Variants in ATG10 observed in about 807,000 individuals in gnomAD.
The protein encoded by ATG10 is autophagy related 10, also known as ubiquitin-like-conjugating enzyme ATG10.
In ATG10, 30 loss-of-function variants were observed where a neutral mutation model predicts 32.1. That is an observed-to-expected ratio of 0.94 (90% CI 0.70 to 1.27). ATG10 has a LOEUF of 1.27. ATG10 is among the 50% of genes most tolerant of loss of function. The pLI, the probability that ATG10 is intolerant of heterozygous loss-of-function variation, is 0.00. For synonymous variants in ATG10, 87 were observed against 91.5 expected (o/e 0.95, Z 0.28); for missense variants, 233 against 262.3 (o/e 0.89, Z 0.77).
intron 3 of ATG10, among the ~76,000 whole-genome samples, chr5:82,080,081 C>T (rs927194398): frequency 1.3e-4 from 20 of 152,170 alleles, no homozygotes; most frequent in African/African-American, 4.8e-4. Flanking sequence ...GATGGTATCT[C>T]ATTGTGGTTT....
chr5:81,991,133 A>G (rs984141568), intron 2 of ATG10, among the ~76,000 whole-genome samples: 9 of 152,168 alleles, frequency 5.9e-5, no homozygotes, highest in Non-Finnish European at 1.0e-4. Context: ...ATTTGGGCAT[A>G]TTAGTATTTT....
At chr5:82,242,709 C>T (rs12654645) in intron 5 of ATG10, 154,012 of 331,042 alleles carry the variant, frequency 0.47, 39,439 homozygotes, top group East Asian at 0.89. Flanking sequence ...ATCATTGTAA[C>T]CTAGAATTTT....
intron 3 of ATG10, among the ~76,000 whole-genome samples, chr5:82,155,631 A>G (rs1368714374): frequency 6.6e-6 from 1 of 152,224 alleles, no homozygotes; most frequent in East Asian, 1.9e-4. Context: ...TATAAGAAAA[A>G]TTAGAGAAAC....
Position 82,246,071 on chromosome 5 carries a change from C to CT in ATG10, c.454-6473dup, listed in dbSNP as rs11340753. On this transcript the variant is annotated intron_variant, in intron 5 of 7. Transcript: ENST00000282185. ...AACAGAGGCACAACTTAATACTGAC[C>CT]TTTTTTTTTTTTTTTTTTGAAACAG... Among the ~76,000 whole-genome samples the CT allele has an allele frequency of 1.7e-3, 217 of 125,118 alleles. 1 individual carries two copies. The highest frequency in any genetic ancestry group is 4.1e-3 in the African/African-American group (142 of 34,796). The allele number at this position is 125,118 out of a possible 152,430, so 82.1% of individuals were successfully genotyped here.
intron 5 of ATG10, among the ~76,000 whole-genome samples, chr5:82,248,295 C>T (rs1042716062): frequency 2.6e-5 from 4 of 152,150 alleles, no homozygotes; most frequent in Non-Finnish European, 5.9e-5. Context: ...TTTTTCTTTT[C>T]ATTTAGTACC....
intron 2 of ATG10, among the ~76,000 whole-genome samples, chr5:81,993,369 T>TTC (rs796989808): frequency 0.072 from 2,711 of 37,612 alleles, 221 homozygotes; most frequent in East Asian, 0.1. Context: ...CCTTCTTTTC[T>TTC]TTTCTTTTCT....
intron 5 of ATG10, among the ~76,000 whole-genome samples, chr5:82,179,668 C>T (rs1379851868): frequency 6.6e-6 from 1 of 152,090 alleles, no homozygotes; most frequent in African/African-American, 2.4e-5. Context: ...CAATCATCAT[C>T]TCCTTAAAAA....
At chr5:82,251,499 C>T (rs567343456) in intron 5 of ATG10, among the ~76,000 whole-genome samples, 1 of 152,280 alleles carries the variant, frequency 6.6e-6, no homozygotes, top group African/African-American at 2.4e-5. Flanking sequence ...GGAGGTCTGG[C>T]ATGCTGAACC....
chr5:81,986,992 G>A (rs761499833), intron 1 of ATG10, among the ~76,000 whole-genome samples: 4 of 152,150 alleles, frequency 2.6e-5, no homozygotes, highest in South Asian at 2.1e-4. Context: ...GCAGTGAGCC[G>A]GGATCATGCC....
At chr5:82,128,476 A>G (rs1173957478) in intron 3 of ATG10, among the ~76,000 whole-genome samples, 25 of 142,326 alleles carry the variant, frequency 1.8e-4, no homozygotes, top group South Asian at 4.5e-4. Context: ...CTTGTAAGGC[A>G]GGCCTGGTGG....
chr5:81,980,559 G>T (rs1270547125), intron 1 of ATG10, among the ~76,000 whole-genome samples: 1 of 152,168 alleles, frequency 6.6e-6, no homozygotes, highest in Non-Finnish European at 1.5e-5. Context: ...CTATACTTAG[G>T]AGAGGTCTTC....
intron 5 of ATG10, among the ~76,000 whole-genome samples, chr5:82,185,554 C>G (rs1744416606): frequency 6.6e-6 from 1 of 152,020 alleles, no homozygotes; most frequent in Non-Finnish European, 1.5e-5. Flanking sequence ...ATGCCTAAAA[C>G]ATGCAAAAAC....
At chr5:82,241,852 A>G (rs889596933) in intron 5 of ATG10, among the ~76,000 whole-genome samples, 4 of 151,908 alleles carry the variant, frequency 2.6e-5, no homozygotes, top group African/African-American at 9.7e-5. Flanking sequence ...AGAAAAAAAA[A>G]CCTCCCCAGA....
At chr5:82,029,585 T>C (rs748857755) in intron 2 of ATG10, among the ~76,000 whole-genome samples, 6 of 152,202 alleles carry the variant, frequency 3.9e-5, no homozygotes, top group African/African-American at 4.8e-5. Flanking sequence ...CTGTGTCTTA[T>C]GACTTACTGA....
chr5:82,228,209 A>G (rs1226464308), intron 5 of ATG10, among the ~76,000 whole-genome samples: 2 of 138,612 alleles, frequency 1.4e-5, no homozygotes, highest in East Asian at 3.9e-4. Flanking sequence ...GACCATCTCA[A>G]AAAAAAAAAA....
At chr5:81,983,718 C>T (rs1210974127) in intron 1 of ATG10, among the ~76,000 whole-genome samples, 4 of 151,558 alleles carry the variant, frequency 2.6e-5, no homozygotes, top group African/African-American at 7.3e-5. Flanking sequence ...GGGTGGCTGC[C>T]GGGCGTAGGG....
intron 2 of ATG10, among the ~76,000 whole-genome samples, chr5:82,034,793 T>A (rs1198293134): frequency 6.6e-6 from 1 of 152,192 alleles, no homozygotes; most frequent in Non-Finnish European, 1.5e-5. Flanking sequence ...TTTCTTCATA[T>A]CTGTGCTCAA....
At chr5:82,227,131 A>G (rs1746163212) in intron 5 of ATG10, among the ~76,000 whole-genome samples, 1 of 152,022 alleles carries the variant, frequency 6.6e-6, no homozygotes, top group African/African-American at 2.4e-5. Context: ...TTCTATTCCT[A>G]TATGCCCCCT....
chr5:82,142,892 G>T (rs1169396485), intron 3 of ATG10, among the ~76,000 whole-genome samples: 1 of 152,006 alleles, frequency 6.6e-6, no homozygotes, highest in East Asian at 1.9e-4. Flanking sequence ...TGGACATCTG[G>T]GTATTATGTA....
Sources: allele counts gnomAD v4.1 joint callset (sites outside exome capture counted in the v4.1 genomes callset), GRCh38; gene constraint gnomAD v4.1.1; transcripts MANE v1.5; gene names NCBI Gene and HGNC (gene_info 2026-07-23, HGNC 2026-07-21).